ABTB3: variants seen among roughly 807,000 people sequenced by gnomAD.
ABTB3 encodes ankyrin repeat and BTB domain containing 3.
chr12:107,333,716 A>G, the ABTB3 span, among the ~76,000 whole-genome samples: 1 of 152,360 alleles, frequency 6.6e-6, no homozygotes, highest in Non-Finnish European at 1.5e-5. Flanking sequence ...CTAGATACTT[A>G]GCATCCATCA....
chr12:107,552,419 C>T, the ABTB3 span, among the ~76,000 whole-genome samples: 1 of 152,180 alleles, frequency 6.6e-6, no homozygotes, highest in African/African-American at 2.4e-5. Context: ...TCTCCGTATC[C>T]AGCGATAAGC....
At chr12:107,390,539 G>T in the ABTB3 span, among the ~76,000 whole-genome samples, 1 of 152,226 alleles carries the variant, frequency 6.6e-6, no homozygotes, top group African/African-American at 2.4e-5. Context: ...GGATGTACCA[G>T]GTTCTAGGAA....
At chr12:107,448,349 A>G in the ABTB3 span, among the ~76,000 whole-genome samples, 1 of 152,160 alleles carries the variant, frequency 6.6e-6, no homozygotes, top group African/African-American at 2.4e-5. Context: ...TGAGTCTCAC[A>G]TCCAGGGTTG....
chr12:107,606,659 A>G, the ABTB3 span, among the ~76,000 whole-genome samples: 2 of 152,230 alleles, frequency 1.3e-5, no homozygotes, highest in African/African-American at 4.8e-5. Flanking sequence ...AGAAACTCCA[A>G]TGGGTGTCTT....
chr12:107,404,659 G>C, the ABTB3 span, among the ~76,000 whole-genome samples: 1 of 152,116 alleles, frequency 6.6e-6, no homozygotes, highest in African/African-American at 2.4e-5. Flanking sequence ...ATGTATACCC[G>C]GGTTTTCTAC....
chr12:107,555,985 C>T, the ABTB3 span, among the ~76,000 whole-genome samples: 2 of 152,196 alleles, frequency 1.3e-5, no homozygotes, highest in Non-Finnish European at 2.9e-5. Context: ...AAGCAGCCAT[C>T]ATCATCATCA....
chr12:107,352,538 T>C, the ABTB3 span, among the ~76,000 whole-genome samples: 1 of 152,050 alleles, frequency 6.6e-6, no homozygotes, highest in Non-Finnish European at 1.5e-5. Flanking sequence ...CCAGATTGTG[T>C]CTTGCACAAG....
chr12:107,503,508 T>A, the ABTB3 span, among the ~76,000 whole-genome samples: 1 of 151,944 alleles, frequency 6.6e-6, no homozygotes, highest in Non-Finnish European at 1.5e-5. Context: ...GGCTCACACC[T>A]GTAATCCCAG....
At chr12:107,468,128 G>A in the ABTB3 span, among the ~76,000 whole-genome samples, 1 of 152,148 alleles carries the variant, frequency 6.6e-6, no homozygotes, top group African/African-American at 2.4e-5. Context: ...ACGAGCTGAG[G>A]TCAGCTGAAT....
the ABTB3 span, chr12:107,635,538 C>A: frequency 1.7e-6 from 1 of 591,434 alleles, no homozygotes; most frequent in East Asian, 3.1e-5. Flanking sequence ...ATCAGAATTT[C>A]TCCTTTATTA....
the ABTB3 span, among the ~76,000 whole-genome samples, chr12:107,529,228 T>C: frequency 6.6e-6 from 1 of 150,404 alleles, no homozygotes; most frequent in Non-Finnish European, 1.5e-5. Flanking sequence ...ATGATGGTGA[T>C]GGTGATAATG....
the ABTB3 span, among the ~76,000 whole-genome samples, chr12:107,435,307 G>A: frequency 1.3e-5 from 2 of 152,204 alleles, no homozygotes; most frequent in African/African-American, 2.4e-5. Context: ...CACTGTAGGA[G>A]GAGCCCTTCA....
the ABTB3 span, among the ~76,000 whole-genome samples, chr12:107,403,202 G>A: frequency 1.3e-4 from 20 of 152,288 alleles, no homozygotes; most frequent in Admixed American, 9.1e-4. Context: ...ATTTACTTCC[G>A]TTTGACAGAT....
the ABTB3 span, chr12:107,657,792 C>G: frequency 1.8e-5 from 27 of 1,490,610 alleles, no homozygotes; most frequent in Admixed American, 3.5e-5. Context: ...CAAACACAGA[C>G]AAATTCCACC....
chr12:107,502,673 A>G, the ABTB3 span, among the ~76,000 whole-genome samples: 1 of 152,240 alleles, frequency 6.6e-6, no homozygotes, highest in African/African-American at 2.4e-5. Flanking sequence ...GCAGCGGGCG[A>G]GCGAGCATTA....
chr12:107,366,603 C>CA, the ABTB3 span, among the ~76,000 whole-genome samples: 5 of 152,112 alleles, frequency 3.3e-5, no homozygotes, highest in Non-Finnish European at 7.4e-5. Flanking sequence ...AACTAGCGAC[C>CA]AAATTAGTGA....
the ABTB3 span, among the ~76,000 whole-genome samples, chr12:107,419,636 G>T: frequency 1.6e-4 from 25 of 152,220 alleles, no homozygotes; most frequent in South Asian, 5.0e-3. Context: ...CTGTGCCTTG[G>T]CTTCTCACCT....
chr12:107,642,573 G>C, the ABTB3 span, among the ~76,000 whole-genome samples: 2 of 152,170 alleles, frequency 1.3e-5, no homozygotes, highest in Admixed American at 6.5e-5. Context: ...GGTCTTATGA[G>C]CTAAAACATC....
chr12:107,604,417 A>G, the ABTB3 span, among the ~76,000 whole-genome samples: 1 of 151,768 alleles, frequency 6.6e-6, no homozygotes, highest in Non-Finnish European at 1.5e-5. Context: ...ACTGCACTCC[A>G]GCATGGACAA....
Sources: allele counts gnomAD v4.1 joint callset (sites outside exome capture counted in the v4.1 genomes callset), GRCh38; gene constraint gnomAD v4.1.1; transcripts MANE v1.5; gene names NCBI Gene and HGNC (gene_info 2026-07-23, HGNC 2026-07-21).